The following TAF8 variants were observed in gnomAD, a reference collection of about 807,000 sequenced individuals.
TAF8 encodes the protein TATA-box binding protein associated factor 8.
In TAF8, 47 loss-of-function variants were observed where a neutral mutation model predicts 36.5. The ratio of observed to expected loss-of-function variants is 1.29; its 90% confidence interval spans 1.02 to 1.64. The LOEUF is 1.64. TAF8 is among the 40% of genes most tolerant of loss of function. The pLI, the probability that TAF8 is intolerant of heterozygous loss-of-function variation, is 0.00. For synonymous variants in TAF8, 175 were observed against 159.5 expected, an observed-to-expected ratio of 1.10 and a Z score of -0.73; for missense variants, 420 against 407.6, an observed-to-expected ratio of 1.03 and a Z score of -0.26.
In TAF8 at chr6:42,057,472, T is replaced by G. The variant is rs200962020; in HGVS notation, c.448T>G (p.Phe150Val). 126 of 1,613,896 alleles carry G rather than the reference T, an allele frequency of 7.8e-5. No individual in the cohort carries two copies. Among genetic ancestry groups the G allele is most frequent in the Middle Eastern group, 3.3e-4 (2 of 6,084 alleles). ...RPHPPHIPSHFPEFPDPHTYI... is the reference protein window; with the variant it reads ...RPHPPHIPSHVPEFPDPHTYI... ...CCACCCGCCGCACATCCCCAGCCAT[T>G]TTCCTGAGTTCCCTGATCCCCACAC... Residue 150 changes from phenylalanine (F) to valine (V), a missense_variant, in exon 5 of 9, where the codon TTT (phenylalanine) becomes GTT (valine). Transcript: ENST00000372977.
intron 5 of TAF8, among the ~76,000 whole-genome samples, chr6:42,060,479 CT>C (rs1765153501): frequency 6.6e-6 from 1 of 152,160 alleles, no homozygotes; most frequent in Non-Finnish European, 1.5e-5. Context: ...TCAGATAAGA[CT>C]TTTTAAAAGC....
rs1765851885 is a variant in TAF8 at position 42,079,312 on chromosome 6, C to A, written c.*1767C>A. Reference sequence around the variant, plus strand: ...AGAAGCAGGTCTGAGTCTGTCCAACCAATTTGTATCCTGTGGGGAGAACAA... The same window carrying A: ...AGAAGCAGGTCTGAGTCTGTCCAACAAATTTGTATCCTGTGGGGAGAACAA... On this transcript the variant is annotated 3_prime_UTR_variant, in exon 9 of 9. Coordinates refer to ENST00000372977, the MANE Select transcript of TAF8 (RefSeq NM_138572.3). The A allele has an allele frequency of 4.1e-6, 4 of 985,408 alleles. No individual in the cohort carries two copies. The highest frequency in any genetic ancestry group is 4.8e-6 in the Non-Finnish European group (4 of 829,914). 61.0% of individuals were successfully genotyped at this position (985,408 alleles called of 1,614,324 possible).
chr6:42,054,572 A>T (rs1269790270), intron 2 of TAF8, among the ~76,000 whole-genome samples: 2 of 151,660 alleles, frequency 1.3e-5, no homozygotes, highest in African/African-American at 4.8e-5. Flanking sequence ...TTGTCTTTTT[A>T]TGTCTACCTT....
intron 2 of TAF8, 39 bp downstream of exon 2, chr6:42,051,552 A>C (rs779173788): frequency 7.5e-6 from 12 of 1,605,458 alleles, no homozygotes; most frequent in Non-Finnish European, 1.0e-5. Flanking sequence ...AGTCAACCCC[A>C]ACATCAGTTC....
At chr6:42,055,877 T>C in intron 3 of TAF8, 75 bp from the exon 4 acceptor site, 1 of 1,004,538 alleles carries the variant, frequency 1.0e-6, no homozygotes, top group Non-Finnish European at 1.6e-6. Context: ...AAGCCATTTG[T>C]CCATACTACT....
At chr6:42,072,194 A>G (rs952127386) in intron 7 of TAF8, among the ~76,000 whole-genome samples, 2 of 152,256 alleles carry the variant, frequency 1.3e-5, no homozygotes, top group Middle Eastern at 3.2e-3. Flanking sequence ...CCTAGCACAC[A>G]CTGCTCCCTC....
At chr6:42,061,766 C>T (rs1411458028) in intron 5 of TAF8, among the ~76,000 whole-genome samples, 1 of 152,050 alleles carries the variant, frequency 6.6e-6, no homozygotes, top group Non-Finnish European at 1.5e-5. Context: ...TCAGATAAGC[C>T]AAATCATTTT....
chr6:42,080,911 T>C lies in TAF8; in HGVS notation c.*3366T>C. 10 of 984,174 alleles carry C rather than the reference T, an allele frequency of 1.0e-5. No homozygotes were observed. The highest frequency in any genetic ancestry group is 1.2e-5 in the Non-Finnish European group (10 of 828,770). 61.0% of individuals were successfully genotyped at this position (984,174 alleles called of 1,614,324 possible). On this transcript the variant is annotated 3_prime_UTR_variant, in exon 9 of 9. Transcript: ENST00000372977. ...TAAAAACTTTGTAAATAAATAGAACTGTAAGCTTTGAACTTAATTTGTGTT... is the reference window on the plus strand; with the variant it reads ...TAAAAACTTTGTAAATAAATAGAACCGTAAGCTTTGAACTTAATTTGTGTT...
At chr6:42,065,429 C>T (rs575282506) in intron 5 of TAF8, among the ~76,000 whole-genome samples, 1 of 152,328 alleles carries the variant, frequency 6.6e-6, no homozygotes, top group Non-Finnish European at 1.5e-5. Context: ...ACTTGATTGC[C>T]AGCAAGCTCA....
intron 8 of TAF8, 139 bp from the exon 9 acceptor site, chr6:42,077,394 C>G: frequency 6.6e-7 from 1 of 1,525,672 alleles, no homozygotes; most frequent in Non-Finnish European, 8.8e-7. Context: ...ACTTGGCTCC[C>G]GTACATAGCT....
Position 42,081,338 on chromosome 6 carries a change from AC to A in TAF8, c.*3794del, listed in dbSNP as rs1355335057. 1.5e-5 allele frequency: 2 copies of A among 135,276 alleles called. No individual in the cohort carries two copies. The highest frequency in any genetic ancestry group is 5.2e-5 in the African/African-American group (2 of 38,128). The allele number at this position is 135,276 out of a possible 1,614,324, so 8.4% of individuals were successfully genotyped here. ...ATTATAGGTATCTACCACCACCACCACGCCTGGCTAATTTTTTCTTTTTTTT... is the reference window on the plus strand; with the variant it reads ...ATTATAGGTATCTACCACCACCACCAGCCTGGCTAATTTTTTCTTTTTTTT... On this transcript the variant is annotated 3_prime_UTR_variant, in exon 9 of 9. Coordinates refer to ENST00000372977, the MANE Select transcript of TAF8 (RefSeq NM_138572.3).
chr6:42,058,244 C>T (rs935364646), intron 5 of TAF8, among the ~76,000 whole-genome samples: 27 of 152,052 alleles, frequency 1.8e-4, no homozygotes, highest in Admixed American at 1.3e-3. Context: ...ATTAGCTGTG[C>T]GTGGTGGCAC....
At chr6:42,063,488 A>C (rs538973371) in intron 5 of TAF8, 2 of 152,240 alleles carry the variant, frequency 1.3e-5, no homozygotes, top group Non-Finnish European at 2.9e-5. Context: ...AATAATGTAC[A>C]TTAAAAGATA....
At chr6:42,059,780 A>G (rs1765127169) in intron 5 of TAF8, among the ~76,000 whole-genome samples, 1 of 152,228 alleles carries the variant, frequency 6.6e-6, no homozygotes, top group Non-Finnish European at 1.5e-5. Flanking sequence ...GTTAGAAGCA[A>G]GATGGAGTCA....
chr6:42,062,251 T>A (rs1027213664), intron 5 of TAF8, among the ~76,000 whole-genome samples: 8 of 152,342 alleles, frequency 5.3e-5, no homozygotes, highest in African/African-American at 1.9e-4. Flanking sequence ...ACAGTAAGAT[T>A]TTCATAAACT....
chr6:42,066,226 G>T (rs1236343038), intron 5 of TAF8, 86 bp from the exon 6 acceptor site: 19 of 1,541,022 alleles, frequency 1.2e-5, no homozygotes, highest in Non-Finnish European at 1.5e-5. Flanking sequence ...TTAGAGAACA[G>T]GGCATAGCAA....
downstream of TAF8, among the ~76,000 whole-genome samples, chr6:42,083,906 G>A (rs2127468527): frequency 6.6e-6 from 1 of 152,326 alleles, no homozygotes; most frequent in Middle Eastern, 3.4e-3. Flanking sequence ...GACCTGCTGG[G>A]CACGGTGGCT....
chr6:42,084,429 CTTAT>C (rs774701538), downstream of TAF8, among the ~76,000 whole-genome samples: 66 of 152,108 alleles, frequency 4.3e-4, no homozygotes, highest in South Asian at 1.7e-3. Flanking sequence ...CATGTATCAA[CTTAT>C]TTATTTATTT....
In TAF8 at chr6:42,050,770, G is replaced by A. The variant is rs1310734072; in HGVS notation, c.45+184G>A. The A allele has an allele frequency of 5.2e-6, 5 of 953,564 alleles. No homozygotes were observed. The Admixed American group carries it at 1.3e-4, about 25-fold the overall frequency. 59.1% of individuals were successfully genotyped at this position (953,564 alleles called of 1,614,324 possible). A position where few individuals can be genotyped will look rare whatever the true frequency, so the allele number is the denominator to read the frequency against. ...TTGGCTGCGGCCTCCGGAGTTGGCGGACCTGTGTCTTGATTGGCTCGTTCG... is the reference window on the plus strand; with the variant it reads ...TTGGCTGCGGCCTCCGGAGTTGGCGAACCTGTGTCTTGATTGGCTCGTTCG... On this transcript the variant is annotated intron_variant, in intron 1 of 8. Transcript: ENST00000372977.
Sources: gnomAD v4.1 joint callset for allele counts (sites outside exome capture counted in the v4.1 genomes callset) on GRCh38, gnomAD v4.1.1 for gene constraint, MANE v1.5 for transcripts, NCBI Gene and HGNC (gene_info 2026-07-23, HGNC 2026-07-21) for gene names.